The following TTLL11 variants were observed in gnomAD, a reference collection of about 807,000 sequenced individuals.
TTLL11 encodes the protein tubulin tyrosine ligase like 11.
A neutral mutation model predicts 51.7 loss-of-function variants in TTLL11; 42 were observed. The observed-to-expected ratio is 0.81, with a 90% CI of 0.64 to 1.05. The LOEUF is 1.05. Among genes scored for constraint, TTLL11 ranks in the 50% least tolerant of loss-of-function variants. The pLI, the probability that TTLL11 is intolerant of heterozygous loss-of-function variation, is 0.00. For synonymous variants in TTLL11, 381 were observed against 383.5 expected, an observed-to-expected ratio of 0.99 and a Z score of 0.08; for missense variants, 799 against 940.4, an observed-to-expected ratio of 0.85 and a Z score of 1.97.
rs189273693 is a variant in TTLL11 at position 121,873,119 on chromosome 9, A to G, written c.1482-2371T>C. 3.4e-3 allele frequency among the ~76,000 whole-genome samples: 515 copies of G among 152,338 alleles called. 2 individuals are homozygous for G. Among genetic ancestry groups the G allele is most frequent in the Non-Finnish European group, 4.0e-3 (272 of 68,022 alleles). Reference sequence around the variant, plus strand: ...TATTCAAGGAAAGATTTGGAAATGTACAGTTGGAATACACTCAATAACAAC... The same window carrying G: ...TATTCAAGGAAAGATTTGGAAATGTGCAGTTGGAATACACTCAATAACAAC... On this transcript the variant is annotated intron_variant, in intron 6 of 8. Coordinates refer to ENST00000321582, the MANE Select transcript of TTLL11 (RefSeq NM_001139442.2).
At chr9:121,862,487 G>C (rs1838042619) in intron 7 of TTLL11, among the ~76,000 whole-genome samples, 1 of 152,084 alleles carries the variant, frequency 6.6e-6, no homozygotes. Context: ...TCTTCCTCTA[G>C]ATCTAGAGCC....
At chr9:121,871,253 C>CA (rs996013847) in intron 6 of TTLL11, among the ~76,000 whole-genome samples, 2 of 150,738 alleles carry the variant, frequency 1.3e-5, no homozygotes, top group African/African-American at 4.9e-5. Context: ...GGAATTCATA[C>CA]AAAAAATGAT....
intron 6 of TTLL11, among the ~76,000 whole-genome samples, chr9:121,929,624 GT>G (rs1840892540): frequency 6.6e-6 from 1 of 152,176 alleles, no homozygotes; most frequent in South Asian, 2.1e-4. Flanking sequence ...GTTCCTTATA[GT>G]TTTTTGTGCT....
At chr9:122,030,878 C>G (rs1844521685) in intron 3 of TTLL11, among the ~76,000 whole-genome samples, 1 of 151,864 alleles carries the variant, frequency 6.6e-6, no homozygotes, top group South Asian at 2.1e-4. Context: ...GAGGTGGAAG[C>G]TGCAGTAAGC....
chr9:122,039,230 G>T, intron 2 of TTLL11, 42 bp downstream of exon 2: 2 of 1,518,478 alleles, frequency 1.3e-6, no homozygotes, highest in Non-Finnish European at 1.8e-6. Flanking sequence ...CTGAGACTTG[G>T]CCCTAGAAAC....
chr9:121,991,069 A>C (rs533802601), intron 3 of TTLL11, among the ~76,000 whole-genome samples: 3 of 152,280 alleles, frequency 2.0e-5, no homozygotes, highest in Admixed American at 2.0e-4. Context: ...TTCTGGTGTG[A>C]AAGTTCCCCT....
At chr9:121,908,707 C>T (rs1403415245) in intron 6 of TTLL11, among the ~76,000 whole-genome samples, 1 of 152,200 alleles carries the variant, frequency 6.6e-6, no homozygotes, top group East Asian at 1.9e-4. Flanking sequence ...TGCTGCTTGT[C>T]TTCCAGGAGC....
chr9:121,878,794 G>A lies in TTLL11; in HGVS notation c.1482-8046C>T, dbSNP rs1396115703. On this transcript the variant is annotated intron_variant, in intron 6 of 8. Coordinates refer to ENST00000321582, the MANE Select transcript of TTLL11 (RefSeq NM_001139442.2). Reference sequence around the variant, plus strand: ...CCCTGAGCATGGAGCGCGTGTCTTCGCCATTGTCCCTCTTGCCCACTGGGC... The same window carrying A: ...CCCTGAGCATGGAGCGCGTGTCTTCACCATTGTCCCTCTTGCCCACTGGGC... Among the ~76,000 whole-genome samples, 6 of 152,202 alleles carry A rather than the reference G, an allele frequency of 3.9e-5. 1 individual carries two copies. The East Asian group carries it at 5.8e-4, about 15-fold the overall frequency.
Position 121,988,862 on chromosome 9 carries a change from G to A in TTLL11, c.1269+333C>T, listed in dbSNP as rs537796976. On this transcript the variant is annotated intron_variant, in intron 4 of 8. Transcript: ENST00000321582. Reference sequence around the variant, plus strand: ...AAGCATGTGGCAAAGGTTGTTGAATGAGTAAGTGAATGAATGAATGAGTAA... The same window carrying A: ...AAGCATGTGGCAAAGGTTGTTGAATAAGTAAGTGAATGAATGAATGAGTAA... 3 of 451,830 alleles carry A rather than the reference G, an allele frequency of 6.6e-6. No individual in the cohort carries two copies. In the South Asian group the frequency reaches 1.4e-4, roughly 21 times the overall value. 28.0% of individuals were successfully genotyped at this position (451,830 alleles called of 1,614,324 possible).
chr9:121,855,566 G>A (rs547143267), intron 8 of TTLL11, among the ~76,000 whole-genome samples: 25 of 152,252 alleles, frequency 1.6e-4, no homozygotes, highest in Middle Eastern at 6.8e-3. Flanking sequence ...GGCTGGCTGC[G>A]GGAGAGGGGA....
intron 6 of TTLL11, among the ~76,000 whole-genome samples, chr9:121,892,370 G>C (rs796696202): frequency 6.6e-6 from 1 of 151,882 alleles, no homozygotes; most frequent in Non-Finnish European, 1.5e-5. Context: ...AATTCCACAT[G>C]GGGGGGTGCT....
At chr9:122,073,787 C>G (rs1319827752) in intron 1 of TTLL11, among the ~76,000 whole-genome samples, 2 of 152,188 alleles carry the variant, frequency 1.3e-5, no homozygotes, top group Non-Finnish European at 2.9e-5. Flanking sequence ...TGCCCAGAAG[C>G]CTCTCATTCA....
chr9:121,873,274 G>A (rs995339882), intron 6 of TTLL11, among the ~76,000 whole-genome samples: 1 of 152,066 alleles, frequency 6.6e-6, no homozygotes, highest in Non-Finnish European at 1.5e-5. Flanking sequence ...ACTGAGGCTT[G>A]GCAAGGTGTT....
intron 1 of TTLL11, among the ~76,000 whole-genome samples, chr9:122,075,912 T>G (rs936961359): frequency 5.3e-4 from 81 of 152,132 alleles, no homozygotes; most frequent in Non-Finnish European, 1.3e-4. Context: ...TCATTTCCCT[T>G]TAAGGAAAAC....
chr9:121,986,472 C>T (rs999048756), intron 4 of TTLL11, among the ~76,000 whole-genome samples: 6 of 152,328 alleles, frequency 3.9e-5, no homozygotes, highest in Middle Eastern at 3.4e-3. Context: ...TGATGGCTTA[C>T]GTCAGGACTT....
At chr9:121,970,754 G>A (rs1437759650) in intron 6 of TTLL11, among the ~76,000 whole-genome samples, 2 of 152,214 alleles carry the variant, frequency 1.3e-5, no homozygotes, top group Non-Finnish European at 2.9e-5. Context: ...GTTGGTGGGA[G>A]TGTAAATTAG....
intron 6 of TTLL11, among the ~76,000 whole-genome samples, chr9:121,903,377 T>C (rs1839834711): frequency 1.3e-5 from 2 of 152,124 alleles, no homozygotes; most frequent in Admixed American, 1.3e-4. Context: ...GCTAAATCTT[T>C]GGCAGTCCCC....
intron 6 of TTLL11, among the ~76,000 whole-genome samples, chr9:121,898,280 T>C (rs1258249890): frequency 6.6e-6 from 1 of 152,030 alleles, no homozygotes; most frequent in Non-Finnish European, 1.5e-5. Context: ...GCTGGGACGC[T>C]AGAAAGGGAG....
At chr9:122,032,115 T>C (rs1158819777) in intron 2 of TTLL11, among the ~76,000 whole-genome samples, 1 of 152,254 alleles carries the variant, frequency 6.6e-6, no homozygotes, top group Non-Finnish European at 1.5e-5. Flanking sequence ...GAATGAGTTT[T>C]CACCTAGTTT....
Sources: gnomAD v4.1 joint callset for allele counts (sites outside exome capture counted in the v4.1 genomes callset) on GRCh38, gnomAD v4.1.1 for gene constraint, MANE v1.5 for transcripts, NCBI Gene and HGNC (gene_info 2026-07-23, HGNC 2026-07-21) for gene names.